Variants in DENND4B observed in about 807,000 individuals in gnomAD.
DENND4B encodes DENN domain containing 4B, also known as DENN domain-containing protein 4B.
DENND4B carries 67 observed loss-of-function variants against 161.0 expected under a neutral mutation model. That is an observed-to-expected ratio of 0.42 (90% CI 0.34 to 0.51). The LOEUF (loss-of-function observed/expected upper bound fraction) is 0.51, where lower values mean the gene tolerates loss of function less well. Ranked by LOEUF, DENND4B falls within the 20% of genes least tolerant of loss-of-function variation. The probability of loss-of-function intolerance (pLI) is 0.08; values close to 1 mark genes in which losing one functional copy is unlikely to be tolerated. For missense variants in DENND4B, 1,481 were observed against 1,968.0 expected, an observed-to-expected ratio of 0.75 and a Z score of 4.68; for synonymous variants, 753 against 813.8, an observed-to-expected ratio of 0.93 and a Z score of 1.27.
In DENND4B at chr1:153,944,085, C is replaced by T. The variant is rs774014142; in HGVS notation, c.290G>A (p.Arg97His). ...TQPVICYRRG[R>H]DKPPLVELGV... Reference sequence around the variant, plus strand: ...CAGCTCAACGAGGGGGGGCTTGTCACGGCCCCTGCGGTAGCAGATGACGGG... The same window carrying T: ...CAGCTCAACGAGGGGGGGCTTGTCATGGCCCCTGCGGTAGCAGATGACGGG... The change falls in exon 2 of 28, where the codon CGT (arginine) becomes CAT (histidine). Residue 97 changes from arginine (R) to histidine (H), a missense_variant. This residue lies in a region of DENND4B where 806 missense variants were observed against 1,134.4 expected (regional missense o/e 0.71). Coordinates refer to ENST00000361217, the MANE Select transcript of DENND4B (RefSeq NM_014856.3). This position sits in a 1 kb window ranked among gnomAD's most constrained non-coding sequence, Gnocchi z 4.8. 36 of 1,585,464 alleles carry T rather than the reference C, an allele frequency of 2.3e-5. No homozygotes were observed. In the East Asian group the frequency reaches 2.7e-4, roughly 12 times the overall value.
In DENND4B at chr1:153,938,948, G is replaced by A; in HGVS notation, c.1917C>T (p.Gly639=). ...ATTCAAGGGCAGCATGGCGAGCAGA[G>A]CCAAAAGAGCACTCCTCAATGAACT... The part of the protein sequence containing the change: ...FSQFIEECSF[G]SARHAALEFF... The change falls in exon 13 of 28, where the codon GGC becomes GGT. Residue 639 remains glycine, a synonymous_variant. Transcript: ENST00000361217. The A allele has an allele frequency of 1.2e-6, 2 of 1,607,352 alleles. No individual in the cohort carries two copies. Among genetic ancestry groups the A allele is most frequent in the Non-Finnish European group, 1.7e-6 (2 of 1,176,828 alleles).
Position 153,940,116 on chromosome 1 carries a change from A to G in DENND4B, c.1603+40T>C. ...TCTGCAAACTGGAGGTTTGAGGGCA[A>G]TGACAGTTCCCAGCCTCCCTCCCCA... On this transcript the variant is annotated intron_variant, in intron 11 of 27. Coordinates refer to ENST00000361217, the MANE Select transcript of DENND4B (RefSeq NM_014856.3). This position sits in a 1 kb window ranked among gnomAD's most constrained non-coding sequence, Gnocchi z 5.6. 4.0e-6 allele frequency: 6 copies of G among 1,502,976 alleles called. No individual in the cohort carries two copies. Among genetic ancestry groups the G allele is most frequent in the Middle Eastern group, 1.8e-4 (1 of 5,604 alleles). The allele number at this position is 1,502,976 out of a possible 1,614,324, so 93.1% of individuals were successfully genotyped here. A position where few individuals can be genotyped will look rare whatever the true frequency, so the allele number is the denominator to read the frequency against.
chr1:153,930,916 C>T lies in DENND4B; in HGVS notation c.4114+31G>A, dbSNP rs1453618235. The T allele has an allele frequency of 3.8e-6, 6 of 1,597,408 alleles. No homozygotes were observed. Among genetic ancestry groups the T allele is most frequent in the Non-Finnish European group, 5.1e-6 (6 of 1,172,776 alleles). On this transcript the variant is annotated intron_variant, in intron 25 of 27. Transcript: ENST00000361217. The surrounding 1 kb of genome is among the most constrained non-coding windows in gnomAD (Gnocchi z 4.7). ...TGAGCCCTCTGGGTATGGGACCCAC[C>T]CTCCCCACCCAGGCCAAATACCAGA...
rs1679989866 is a variant in DENND4B, at chr1:153,946,642, C to T, written c.-365G>A. Reference sequence around the variant, plus strand: ...CCCCGCTTTCTCTACTCCCCCAACCCCCGCTCCGGGCCGCGGGCGCCGCCG... The same window carrying T: ...CCCCGCTTTCTCTACTCCCCCAACCTCCGCTCCGGGCCGCGGGCGCCGCCG... On this transcript the variant is annotated 5_prime_UTR_variant, in exon 1 of 28. Transcript: ENST00000361217. The surrounding 1 kb of genome is among the most constrained non-coding windows in gnomAD (Gnocchi z 6.3). 2.6e-6 allele frequency: 1 copy of T among 383,914 alleles called. No homozygotes were observed. Among genetic ancestry groups the T allele is most frequent in the East Asian group, 3.7e-5 (1 of 26,836 alleles). The allele number at this position is 383,914 out of a possible 1,614,324, so 23.8% of individuals were successfully genotyped here.
Position 153,932,983 on chromosome 1 carries a change from C to T in DENND4B, c.3501G>A (p.Val1167=), listed in dbSNP as rs1679057533. The change falls in exon 22 of 28, where the codon GTG becomes GTA. Residue 1167 remains valine, a synonymous_variant. Transcript: ENST00000361217. The surrounding 1 kb of genome is among the most constrained non-coding windows in gnomAD (Gnocchi z 5.8). ...AGCCAGCCATGATTTCCTCATCATA[C>T]ACCAGCGAATCACAGGCACGGCACA... ...CSLCRACDSL[V]YDEEIMAGWA... 1 of 1,614,014 alleles carries T rather than the reference C, an allele frequency of 6.2e-7. No individual in the cohort carries two copies. The highest frequency in any genetic ancestry group is 2.2e-5 in the East Asian group (1 of 44,884).
Position 153,932,786 on chromosome 1 carries a change from G to A in DENND4B, c.3624-9C>T, listed in dbSNP as rs1281241834. The A allele has an allele frequency of 6.2e-7, 1 of 1,613,888 alleles. No individual in the cohort carries two copies. Among genetic ancestry groups the A allele is most frequent in the African/African-American group, 1.3e-5 (1 of 75,036 alleles). Reference sequence around the variant, plus strand: ...ATTTGGGGCTGGGGACACTGCAGGGGGATAGCAGCAGGGGTCAGCTTTTGG... The same window carrying A: ...ATTTGGGGCTGGGGACACTGCAGGGAGATAGCAGCAGGGGTCAGCTTTTGG... On this transcript the variant is annotated splice_polypyrimidine_tract_variant and intron_variant, in intron 22 of 27. Transcript: ENST00000361217. The surrounding 1 kb of genome is among the most constrained non-coding windows in gnomAD (Gnocchi z 5.8).
chr1:153,941,021 C>T lies in DENND4B; in HGVS notation c.1209G>A (p.Gln403=). The T allele has an allele frequency of 1.3e-6, 2 of 1,563,500 alleles. No individual in the cohort carries two copies. Among genetic ancestry groups the T allele is most frequent in the Non-Finnish European group, 1.7e-6 (2 of 1,156,412 alleles). Residue 403 remains glutamine, a synonymous_variant, in exon 9 of 28, where the codon CAG becomes CAA. Transcript: ENST00000361217. Reference sequence around the variant, plus strand: ...TGATAGCCAGCTCAGGGCCCAGGCTCTGCAGCAGCTGCAGGAAGCTGGCAC... The same window carrying T: ...TGATAGCCAGCTCAGGGCCCAGGCTTTGCAGCAGCTGCAGGAAGCTGGCAC... ...LSGASFLQLL[Q]SLGPELAITL... is the part of the protein sequence containing the mutation.
chr1:153,931,429 C>T (rs567684302), intron 24 of DENND4B, among the ~76,000 whole-genome samples: 31 of 151,832 alleles, frequency 2.0e-4, no homozygotes, highest in South Asian at 1.5e-3. Context: ...AATTGAGGCT[C>T]AGAGTGGTAA....
Position 153,937,135 on chromosome 1 carries a change from G to C in DENND4B, c.2232+353C>G, listed in dbSNP as rs1364395053. On this transcript the variant is annotated intron_variant, in intron 15 of 27. Transcript: ENST00000361217. This position sits in a 1 kb window ranked among gnomAD's most constrained non-coding sequence, Gnocchi z 4.7. ...AAGAAGTAGCACCTTCTCTGAGGAAGGGTCTGTGCTCTAAGGAGGAGAAGG... is the reference window on the plus strand; with the variant it reads ...AAGAAGTAGCACCTTCTCTGAGGAACGGTCTGTGCTCTAAGGAGGAGAAGG... Among the ~76,000 whole-genome samples, 2 of 152,208 alleles carry C rather than the reference G, an allele frequency of 1.3e-5. No homozygotes were observed. The highest frequency in any genetic ancestry group is 1.3e-4 in the Admixed American group (2 of 15,286).
chr1:153,940,640 G>T lies in DENND4B; in HGVS notation c.1327-34C>A, dbSNP rs772696662. 1.2e-6 allele frequency: 2 copies of T among 1,601,574 alleles called. No individual in the cohort carries two copies. The highest frequency in any genetic ancestry group is 1.7e-6 in the Non-Finnish European group (2 of 1,174,046). On this transcript the variant is annotated intron_variant, in intron 9 of 27. Coordinates refer to ENST00000361217, the MANE Select transcript of DENND4B (RefSeq NM_014856.3). This position sits in a 1 kb window ranked among gnomAD's most constrained non-coding sequence, Gnocchi z 5.6. ...CCAGGCAGTGAGAACCAGTGAACAG[G>T]GGGTTGAGGCAGCAGTGGGAGGCAC...
chr1:153,933,387 C>A lies in DENND4B; in HGVS notation c.3331-68G>T. The A allele has an allele frequency of 1.2e-6, 2 of 1,610,232 alleles. No individual in the cohort carries two copies. The highest frequency in any genetic ancestry group is 1.1e-5 in the South Asian group (1 of 90,606). On this transcript the variant is annotated intron_variant, in intron 20 of 27. Transcript: ENST00000361217. The surrounding 1 kb of genome is among the most constrained non-coding windows in gnomAD (Gnocchi z 5.7). ...TTCCACCCAGGATATGTGTTTCAAG[C>A]ACCCCTCAGAGCCCCCTTTTTGAGC...
rs1402621332 is a variant in DENND4B, at chr1:153,946,538, T to C, written c.-261A>G. On this transcript the variant is annotated 5_prime_UTR_variant, in exon 1 of 28. Coordinates refer to ENST00000361217, the MANE Select transcript of DENND4B (RefSeq NM_014856.3). The surrounding 1 kb of genome is among the most constrained non-coding windows in gnomAD (Gnocchi z 6.3). ...CCGCCGCGCTGCGCCACGCGGGGAC[T>C]GTGCTGCCGCGCTGCTCGCTCGGCC... 5 of 389,952 alleles carry C rather than the reference T, an allele frequency of 1.3e-5. No individual in the cohort carries two copies. The highest frequency in any genetic ancestry group is 2.3e-5 in the Non-Finnish European group (5 of 220,418). 24.2% of individuals were successfully genotyped at this position (389,952 alleles called of 1,614,324 possible).
At position 153,940,870 on chromosome 1, in the gene DENND4B, C is replaced by G; in HGVS notation, c.1326+34G>C. 6.5e-7 allele frequency: 1 copy of G among 1,540,032 alleles called. No homozygotes were observed. Among genetic ancestry groups the G allele is most frequent in the Non-Finnish European group, 8.7e-7 (1 of 1,147,050 alleles). On this transcript the variant is annotated intron_variant, in intron 9 of 27. Transcript: ENST00000361217. The surrounding 1 kb of genome is among the most constrained non-coding windows in gnomAD (Gnocchi z 5.6). ...AGGGGCACCAGAAAGAACCATGGTT[C>G]TGGGGAAGATGGGCCAGGCGGGGCG...
chr1:153,942,398 G>A lies in DENND4B; in HGVS notation c.641-42C>T, dbSNP rs1448185479. 30 of 1,599,192 alleles carry A rather than the reference G, an allele frequency of 1.9e-5. No individual in the cohort carries two copies. Among genetic ancestry groups the A allele is most frequent in the Non-Finnish European group, 2.5e-5 (29 of 1,173,022 alleles). On this transcript the variant is annotated intron_variant, in intron 4 of 27. Transcript: ENST00000361217. This position sits in a 1 kb window ranked among gnomAD's most constrained non-coding sequence, Gnocchi z 6.9. ...GTTGGGGGTACCCAAAAGGAGCAGG[G>A]TCCATCAGACTCCAAGGGAAATGAA...
Position 153,932,550 on chromosome 1 carries a change from G to T in DENND4B, c.3759+92C>A, listed in dbSNP as rs1679018542. The T allele has an allele frequency of 1.3e-6, 2 of 1,564,698 alleles. No individual in the cohort carries two copies. Among genetic ancestry groups the T allele is most frequent in the Non-Finnish European group, 1.7e-6 (2 of 1,154,298 alleles). ...TTTTGGGATGCCCCTTGCCCTCAAGGGCAAGAGATGTGCCCATCTCTCCCT... is the reference window on the plus strand; with the variant it reads ...TTTTGGGATGCCCCTTGCCCTCAAGTGCAAGAGATGTGCCCATCTCTCCCT... On this transcript the variant is annotated intron_variant, in intron 23 of 27. Coordinates refer to ENST00000361217, the MANE Select transcript of DENND4B (RefSeq NM_014856.3). The surrounding 1 kb of genome is among the most constrained non-coding windows in gnomAD (Gnocchi z 5.8).
chr1:153,942,544 G>A lies in DENND4B; in HGVS notation c.640+12C>T. On this transcript the variant is annotated intron_variant, in intron 4 of 27. Transcript: ENST00000361217. The surrounding 1 kb of genome is among the most constrained non-coding windows in gnomAD (Gnocchi z 6.9). ...AGGGTCACAGGATTGGAGGGATAAA[G>A]GGGCCACTCACCTGCCTCGTACACC... is the stretch of plus-strand genomic sequence containing the variant. 2 of 1,592,970 alleles carry A rather than the reference G, an allele frequency of 1.3e-6. No individual in the cohort carries two copies. The highest frequency in any genetic ancestry group is 8.6e-7 in the Non-Finnish European group (1 of 1,169,548).
In DENND4B at chr1:153,940,523, G is replaced by A; in HGVS notation, c.1410C>T (p.Pro470=). ...AGCTGGAGTGGATACCCACAATGAA[G>A]GGCACTGGGGCACTCAGCACATCTG... is the stretch of plus-strand genomic sequence containing the variant. ...VLADVLSAPV[P]FIVGIHSSYF... Residue 470 remains proline (P), a synonymous_variant, in exon 10 of 28, where the codon CCC becomes CCT. Coordinates refer to ENST00000361217, the MANE Select transcript of DENND4B (RefSeq NM_014856.3). This position sits in a 1 kb window ranked among gnomAD's most constrained non-coding sequence, Gnocchi z 5.6. 3 of 1,613,512 alleles carry A rather than the reference G, an allele frequency of 1.9e-6. No homozygotes were observed. Among genetic ancestry groups the A allele is most frequent in the Non-Finnish European group, 2.5e-6 (3 of 1,179,698 alleles).
chr1:153,945,081 C>T (rs928584935), intron 1 of DENND4B: 1 of 1,287,052 alleles, frequency 7.8e-7, no homozygotes, highest in African/African-American at 1.5e-5. Context: ...CATCCCACAC[C>T]CTCCACCATG....
rs2102012474 is a variant in DENND4B, at chr1:153,933,172, T to A, written c.3453+25A>T. Reference sequence around the variant, plus strand: ...TGTGTGCTATGTGTGTTCAAGCACATCTGTGTGGGAGGGGTTATCCTCACT... The same window carrying A: ...TGTGTGCTATGTGTGTTCAAGCACAACTGTGTGGGAGGGGTTATCCTCACT... On this transcript the variant is annotated intron_variant, in intron 21 of 27. Coordinates refer to ENST00000361217, the MANE Select transcript of DENND4B (RefSeq NM_014856.3). This position sits in a 1 kb window ranked among gnomAD's most constrained non-coding sequence, Gnocchi z 5.7. 3.7e-6 allele frequency: 6 copies of A among 1,612,600 alleles called. No homozygotes were observed. The highest frequency in any genetic ancestry group is 5.1e-6 in the Non-Finnish European group (6 of 1,179,338).
Sources: allele counts gnomAD v4.1 joint callset (sites outside exome capture counted in the v4.1 genomes callset), GRCh38; gene constraint gnomAD v4.1.1; regional missense constraint gnomAD v4.1.1; non-coding constraint Gnocchi (gnomAD v3.1); transcripts MANE v1.5; gene names NCBI Gene and HGNC (gene_info 2026-07-23, HGNC 2026-07-21).